DPP10: variants seen among roughly 807,000 people sequenced by gnomAD.
DPP10 encodes inactive dipeptidyl peptidase 10.
In DPP10, 33 loss-of-function variants were observed where a neutral mutation model predicts 120.9. That is an observed-to-expected ratio of 0.27 (90% CI 0.21 to 0.37). The LOEUF (loss-of-function observed/expected upper bound fraction) is 0.37, where lower values mean the gene tolerates loss of function less well. Ranked by LOEUF, DPP10 falls within the 10% of genes least tolerant of loss-of-function variation. DPP10 has a pLI of 1.00. For missense variants in DPP10, 816 were observed against 942.8 expected (o/e 0.87, Z 1.76); for synonymous variants, 337 against 326.1 (o/e 1.03, Z -0.36).
At chr2:115,653,182 G>A (rs2087960365) in intron 5 of DPP10, among the ~76,000 whole-genome samples, 1 of 151,866 alleles carries the variant, frequency 6.6e-6, no homozygotes, top group African/African-American at 2.4e-5. Context: ...CAAAGTATAA[G>A]AAGCATTAAA....
chr2:115,592,879 A>C (rs2082757264), intron 5 of DPP10, among the ~76,000 whole-genome samples: 1 of 152,218 alleles, frequency 6.6e-6, no homozygotes. Context: ...TTGCAAGGCC[A>C]CTTCTGTTTG....
chr2:115,791,333 C>G lies in DPP10; in HGVS notation c.1677C>G (p.Asn559Lys). 1 of 1,610,352 alleles carries G rather than the reference C, an allele frequency of 6.2e-7. No homozygotes were observed. The highest frequency in any genetic ancestry group is 8.5e-7 in the Non-Finnish European group (1 of 1,178,778). Reference sequence around the variant, plus strand: ...TTCCCAAAGATTTTATGGACCGAAACCAGTATGCTCTTCTGTTAATAATGT... The same window carrying G: ...TTCCCAAAGATTTTATGGACCGAAAGCAGTATGCTCTTCTGTTAATAATGT... ...LSLPKDFMDRNQYALLLIMDE... is the reference protein window; with the variant it reads ...LSLPKDFMDRKQYALLLIMDE... The change falls in exon 19 of 26, where the codon AAC (asparagine) becomes AAG (lysine). Residue 559 changes from asparagine to lysine, a missense_variant. Asn to Lys is a moderately conservative substitution (Grantham distance 94). Around this residue, in one of 3 missense-constraint regions of DPP10, gnomAD observed 592 missense variants for 649.0 expected, o/e 0.91. Coordinates refer to ENST00000410059, the MANE Select transcript of DPP10 (RefSeq NM_020868.6).
chr2:115,377,301 A>C (rs1488034606), intron 3 of DPP10, among the ~76,000 whole-genome samples: 1 of 152,016 alleles, frequency 6.6e-6, no homozygotes, highest in Non-Finnish European at 1.5e-5. Context: ...TCTGATGGCC[A>C]GTGATGGTGA....
At chr2:114,882,582 G>T (rs1339472850) in intron 1 of DPP10, among the ~76,000 whole-genome samples, 3 of 152,044 alleles carry the variant, frequency 2.0e-5, no homozygotes, top group Non-Finnish European at 4.4e-5. Context: ...TGGGTGCAGT[G>T]TACACTGCTC....
intron 5 of DPP10, among the ~76,000 whole-genome samples, chr2:115,537,210 A>G (rs534062275): frequency 2.0e-5 from 3 of 152,184 alleles, no homozygotes; most frequent in South Asian, 4.1e-4. Context: ...ATATACTTGT[A>G]TTAAGATTAT....
chr2:114,718,083 TAAC>T (rs1455998587), intron 1 of DPP10, among the ~76,000 whole-genome samples: 2 of 150,358 alleles, frequency 1.3e-5, no homozygotes, highest in South Asian at 2.1e-4. Flanking sequence ...TCTAAAATAA[TAAC>T]AAAAAAAAAA....
chr2:114,860,721 A>G (rs1689743436), intron 1 of DPP10, among the ~76,000 whole-genome samples: 3 of 152,162 alleles, frequency 2.0e-5, no homozygotes, highest in Admixed American at 2.0e-4. Flanking sequence ...ATTAATGAAT[A>G]TTACCATCTT....
intron 2 of DPP10, among the ~76,000 whole-genome samples, chr2:115,341,011 A>G (rs1195329677): frequency 1.3e-5 from 2 of 152,114 alleles, no homozygotes; most frequent in Admixed American, 6.5e-5. Context: ...AAACTTATCT[A>G]TATCAAACTT....
chr2:115,245,894 C>T (rs2058512091), intron 1 of DPP10, among the ~76,000 whole-genome samples: 1 of 151,950 alleles, frequency 6.6e-6, no homozygotes, highest in South Asian at 2.1e-4. Flanking sequence ...AAATTCTGGG[C>T]CAAAAAATAT....
chr2:115,019,004 TCACCATCACCG>T (rs1490793976), intron 1 of DPP10, among the ~76,000 whole-genome samples: 1 of 151,550 alleles, frequency 6.6e-6, no homozygotes, highest in Non-Finnish European at 1.5e-5. Flanking sequence ...CAGGACCCAG[TCACCATCACCG>T]CACCCATCAG....
At chr2:114,782,468 T>G (rs1259772343) in intron 1 of DPP10, among the ~76,000 whole-genome samples, 1 of 152,012 alleles carries the variant, frequency 6.6e-6, no homozygotes, top group Non-Finnish European at 1.5e-5. Flanking sequence ...AATATTCTAA[T>G]TCTAATTTAT....
chr2:115,303,477 A>C (rs1214839393), intron 1 of DPP10, among the ~76,000 whole-genome samples: 1 of 151,628 alleles, frequency 6.6e-6, no homozygotes, highest in Non-Finnish European at 1.5e-5. Context: ...TTTTAAAAAA[A>C]CTCCTCTGAT....
rs117658720 is a variant in DPP10, at chr2:115,615,415, A to G, written c.442-74272A>G. On this transcript the variant is annotated intron_variant, in intron 5 of 25. Coordinates refer to ENST00000410059, the MANE Select transcript of DPP10 (RefSeq NM_020868.6). ...ATTTGTCTCATTCGATGGACTTACT[A>G]TAAATTCTAGAATGGCGGGATGTTA... Among the ~76,000 whole-genome samples the G allele has an allele frequency of 1.9e-3, 292 of 152,292 alleles. 6 individuals carry two copies. The East Asian group carries it at 0.034, about 18-fold the overall frequency.
intron 3 of DPP10, among the ~76,000 whole-genome samples, chr2:115,381,591 G>A (rs1046385119): frequency 9.9e-5 from 15 of 152,176 alleles, no homozygotes; most frequent in Non-Finnish European, 4.4e-5. Context: ...TTCCATTGCT[G>A]GTGAGGAACT....
chr2:115,449,873 A>T (rs1037490978), intron 3 of DPP10, among the ~76,000 whole-genome samples: 1 of 152,226 alleles, frequency 6.6e-6, no homozygotes, highest in African/African-American at 2.4e-5. Flanking sequence ...AAATATGTAT[A>T]GTAAAAATTG....
intron 1 of DPP10, among the ~76,000 whole-genome samples, chr2:115,201,319 C>T (rs1424652216): frequency 3.3e-5 from 5 of 151,960 alleles, no homozygotes; most frequent in South Asian, 4.2e-4. Flanking sequence ...AAAAATTAGC[C>T]GAATGTGGTG....
At chr2:115,098,604 T>C (rs1272910717) in intron 1 of DPP10, among the ~76,000 whole-genome samples, 1 of 152,148 alleles carries the variant, frequency 6.6e-6, no homozygotes, top group African/African-American at 2.4e-5. Flanking sequence ...AATTCAGTAC[T>C]ATAATCTTAC....
intron 3 of DPP10, among the ~76,000 whole-genome samples, chr2:115,372,210 A>T (rs2065460246): frequency 6.6e-6 from 1 of 152,178 alleles, no homozygotes; most frequent in Non-Finnish European, 1.5e-5. Flanking sequence ...GAATTATGAA[A>T]GGAGAACAAC....
intron 1 of DPP10, among the ~76,000 whole-genome samples, chr2:115,181,109 A>G (rs1040971622): frequency 1.4e-4 from 21 of 152,354 alleles, no homozygotes; most frequent in African/African-American, 5.1e-4. Context: ...TGCAAGGTGC[A>G]TCTGTTCTTT....
Sources: allele counts gnomAD v4.1 joint callset (sites outside exome capture counted in the v4.1 genomes callset), GRCh38; gene constraint gnomAD v4.1.1; regional missense constraint gnomAD v4.1.1; transcripts MANE v1.5; gene names NCBI Gene and HGNC (gene_info 2026-07-23, HGNC 2026-07-21).